PDE1C: variants seen among roughly 807,000 people sequenced by gnomAD.
PDE1C encodes the protein phosphodiesterase 1C, also known as dual specificity calcium/calmodulin-dependent 3',5'-cyclic nucleotide phosphodiesterase 1C.
PDE1C carries 62 observed loss-of-function variants against 93.1 expected under a neutral mutation model. The observed-to-expected ratio is 0.67, with a 90% CI of 0.54 to 0.82. The LOEUF (loss-of-function observed/expected upper bound fraction) is 0.82, where lower values mean the gene tolerates loss of function less well. Among genes scored for constraint, PDE1C ranks in the 40% least tolerant of loss-of-function variants. The probability of loss-of-function intolerance (pLI) is 0.00; values close to 1 mark genes in which losing one functional copy is unlikely to be tolerated. For missense variants in PDE1C, 742 were observed against 884.6 expected, an observed-to-expected ratio of 0.84 and a Z score of 2.04; for synonymous variants, 325 against 310.1, an observed-to-expected ratio of 1.05 and a Z score of -0.50.
chr7:31,808,910 G>C, intron 16 of PDE1C, 121 bp downstream of exon 16: 1 of 587,028 alleles, frequency 1.7e-6, no homozygotes, highest in Non-Finnish European at 3.1e-6. Flanking sequence ...TATAGTGAAG[G>C]GTTTTTTTCA....
intron 1 of PDE1C, among the ~76,000 whole-genome samples, chr7:32,255,692 T>C (rs554230907): frequency 6.6e-6 from 1 of 152,208 alleles, no homozygotes; most frequent in African/African-American, 2.4e-5. Context: ...GTGATGGGCC[T>C]TGAAAATACA....
chr7:32,305,825 G>T (rs1458433156), intron 1 of PDE1C, among the ~76,000 whole-genome samples: 1 of 152,246 alleles, frequency 6.6e-6, no homozygotes, highest in Non-Finnish European at 1.5e-5. Context: ...GCAGCCCCAT[G>T]CCAGGACAAA....
chr7:31,828,159 T>A (rs1300252701), intron 12 of PDE1C, 133 bp downstream of exon 12: 1 of 585,792 alleles, frequency 1.7e-6, no homozygotes, highest in Non-Finnish European at 3.0e-6. Context: ...ATAAATTGAA[T>A]CAGGCAGAGC....
Position 32,206,761 on chromosome 7 carries a change from G to A in PDE1C, c.136+2728C>T, listed in dbSNP as rs557259610. On this transcript the variant is annotated intron_variant, in intron 2 of 18. Coordinates refer to the PDE1C transcript ENST00000396193. Reference sequence around the variant, plus strand: ...GCAGAGCATGGCAGTGCCCACACCCGGTGGCTCTCGCCCCAGGACAGCTGG... The same window carrying A: ...GCAGAGCATGGCAGTGCCCACACCCAGTGGCTCTCGCCCCAGGACAGCTGG... 9.2e-5 allele frequency among the ~76,000 whole-genome samples: 14 copies of A among 152,308 alleles called. No individual in the cohort carries two copies. In the South Asian group the frequency reaches 2.3e-3, roughly 25 times the overall value.
intron 5 of PDE1C, among the ~76,000 whole-genome samples, chr7:31,875,006 T>C (rs1183106572): frequency 1.3e-5 from 2 of 152,234 alleles, no homozygotes; most frequent in Non-Finnish European, 2.9e-5. Context: ...ATGCCATGAA[T>C]ATGTGCTGTG....
the PDE1C span, among the ~76,000 whole-genome samples, chr7:31,698,550 C>T: frequency 3.3e-5 from 5 of 152,218 alleles, no homozygotes; most frequent in Admixed American, 1.3e-4. Flanking sequence ...AGATCATGCA[C>T]ATGTGCTAAA....
chr7:31,910,564 A>G (rs984520938), intron 2 of PDE1C, among the ~76,000 whole-genome samples: 2 of 152,208 alleles, frequency 1.3e-5, no homozygotes, highest in African/African-American at 4.8e-5. Flanking sequence ...AACTCAGGAA[A>G]CTAATGAACA....
the PDE1C span, chr7:31,655,674 C>T: frequency 9.8e-5 from 92 of 939,062 alleles, no homozygotes; most frequent in Non-Finnish European, 1.1e-4. Context: ...CCCATCTTGG[C>T]TCCTATATCA....
At chr7:32,324,047 C>T (rs916157500) in intron 1 of PDE1C, among the ~76,000 whole-genome samples, 7 of 152,094 alleles carry the variant, frequency 4.6e-5, no homozygotes, top group Non-Finnish European at 1.0e-4. Context: ...GTAGGATATG[C>T]AATCTAAGAA....
At chr7:32,427,256 A>G (rs1023820672) in intron 1 of PDE1C, among the ~76,000 whole-genome samples, 1 of 152,194 alleles carries the variant, frequency 6.6e-6, no homozygotes, top group Non-Finnish European at 1.5e-5. Flanking sequence ...CGGAATTATT[A>G]TCATCCCTGT....
chr7:32,275,881 C>T (rs1425353675), intron 1 of PDE1C, among the ~76,000 whole-genome samples: 1 of 152,190 alleles, frequency 6.6e-6, no homozygotes, highest in Non-Finnish European at 1.5e-5. Flanking sequence ...TTGCTGAAAA[C>T]ATCCAGAAAA....
chr7:32,051,422 G>A (rs1297203035), intron 2 of PDE1C, 132 bp downstream of exon 2: 2 of 844,104 alleles, frequency 2.4e-6, no homozygotes, highest in East Asian at 5.1e-5. Context: ...CACGATCGGA[G>A]ATAAAGCACG....
chr7:31,905,509 A>G (rs574639182), intron 2 of PDE1C, among the ~76,000 whole-genome samples: 1 of 152,300 alleles, frequency 6.6e-6, no homozygotes, highest in South Asian at 2.1e-4. Context: ...GCCAAAAAAC[A>G]ATTTCCCACG....
chr7:31,992,646 C>T (rs1784276118), intron 2 of PDE1C, among the ~76,000 whole-genome samples: 1 of 152,190 alleles, frequency 6.6e-6, no homozygotes, highest in Non-Finnish European at 1.5e-5. Flanking sequence ...CAAGCAAATG[C>T]AGTCATTGGG....
At chr7:32,407,540 T>C (rs536782582) in intron 1 of PDE1C, among the ~76,000 whole-genome samples, 1 of 152,234 alleles carries the variant, frequency 6.6e-6, no homozygotes, top group South Asian at 2.1e-4. Flanking sequence ...TCCTGAACTT[T>C]GCTGATGCTC....
the PDE1C span, among the ~76,000 whole-genome samples, chr7:31,697,743 C>T: frequency 1.4e-3 from 209 of 152,062 alleles, 1 homozygote; most frequent in Non-Finnish European, 2.7e-3. Context: ...GGGGAAGTGA[C>T]GGAGGGGAAA....
intron 1 of PDE1C, among the ~76,000 whole-genome samples, chr7:32,311,397 A>C (rs28814689): frequency 0.1 from 15,167 of 152,174 alleles, 820 homozygotes; most frequent in African/African-American, 0.12. Context: ...CTCCCTAACT[A>C]ATTTTCTGAG....
intron 3 of PDE1C, among the ~76,000 whole-genome samples, chr7:32,113,717 A>G (rs1798818195): frequency 6.6e-6 from 1 of 152,090 alleles, no homozygotes; most frequent in Non-Finnish European, 1.5e-5. Context: ...CTCAGATGGT[A>G]TATTTTCTGA....
intron 1 of PDE1C, among the ~76,000 whole-genome samples, chr7:32,364,141 C>A (rs1784187508): frequency 6.6e-6 from 1 of 152,144 alleles, no homozygotes; most frequent in Non-Finnish European, 1.5e-5. Flanking sequence ...CTGGATGCAT[C>A]TATTTGAGCA....
Sources: allele counts gnomAD v4.1 joint callset (sites outside exome capture counted in the v4.1 genomes callset), GRCh38; gene constraint gnomAD v4.1.1; transcripts MANE v1.5; gene names NCBI Gene and HGNC (gene_info 2026-07-23, HGNC 2026-07-21).